CLHC1: variants seen among roughly 807,000 people sequenced by gnomAD.
CLHC1 encodes clathrin heavy chain linker domain-containing protein 1.
In CLHC1, 72 loss-of-function variants were observed where a neutral mutation model predicts 69.5. That is an observed-to-expected ratio of 1.04 (90% CI 0.86 to 1.26). CLHC1 has a LOEUF of 1.26. CLHC1 is among the 50% of genes most tolerant of loss of function. CLHC1 has a pLI of 0.00. For missense variants in CLHC1, 790 were observed against 679.3 expected, an observed-to-expected ratio of 1.16 and a Z score of -1.81; for synonymous variants, 223 against 224.3, an observed-to-expected ratio of 0.99 and a Z score of 0.05.
chr2:55,216,814 T>C (rs1673560268), intron 4 of CLHC1, among the ~76,000 whole-genome samples: 1 of 152,022 alleles, frequency 6.6e-6, no homozygotes, highest in Non-Finnish European at 1.5e-5. Flanking sequence ...TGAGCCACCC[T>C]GTGCGGACCC....
chr2:55,195,225 C>A (rs1210814585), intron 9 of CLHC1, among the ~76,000 whole-genome samples: 3 of 152,176 alleles, frequency 2.0e-5, no homozygotes, highest in Non-Finnish European at 4.4e-5. Flanking sequence ...CACCATTCCA[C>A]TCTCCGCTTC....
At chr2:55,194,483 G>C (rs1671209944) in intron 9 of CLHC1, among the ~76,000 whole-genome samples, 1 of 151,588 alleles carries the variant, frequency 6.6e-6, no homozygotes, top group Admixed American at 6.6e-5. Flanking sequence ...CTAAGATCAT[G>C]AACAAGGCAG....
rs547423070 is a variant in CLHC1 at position 55,179,236 on chromosome 2, G to C, written c.1384+1274C>G. Among the ~76,000 whole-genome samples the C allele has an allele frequency of 5.9e-5, 9 of 152,182 alleles. No individual in the cohort carries two copies. In the South Asian group the frequency reaches 1.2e-3, roughly 21 times the overall value. On this transcript the variant is annotated intron_variant, in intron 11 of 12. Coordinates refer to ENST00000401408, the MANE Select transcript of CLHC1 (RefSeq NM_152385.4). ...ATATTAATTAATACCTACTATGCCAGATTCTGTCCTGTCACTACATAACCA... is the reference window on the plus strand; with the variant it reads ...ATATTAATTAATACCTACTATGCCACATTCTGTCCTGTCACTACATAACCA...
At chr2:55,184,001 G>C (rs186861450) in intron 9 of CLHC1, among the ~76,000 whole-genome samples, 4 of 152,160 alleles carry the variant, frequency 2.6e-5, no homozygotes, top group Middle Eastern at 3.4e-3. Flanking sequence ...GGATGGTCTC[G>C]ATCTCTTGAC....
chr2:55,208,582 G>C, intron 8 of CLHC1, 44 bp downstream of exon 8: 1 of 1,253,272 alleles, frequency 8.0e-7, no homozygotes, highest in Non-Finnish European at 1.2e-6. Context: ...AAGAATCTAT[G>C]AAAAAATATA....
Position 55,206,293 on chromosome 2 carries a change from A to T in CLHC1, c.983T>A (p.Ile328Asn). The T allele has an allele frequency of 6.2e-7, 1 of 1,603,666 alleles. No homozygotes were observed. Among genetic ancestry groups the T allele is most frequent in the Non-Finnish European group, 8.5e-7 (1 of 1,170,968 alleles). The change falls in exon 9 of 13, where the codon ATT becomes AAT. Residue 328 changes from isoleucine to asparagine, a missense_variant. By Grantham distance (149) the Ile-to-Asn change is moderately radical. Transcript: ENST00000401408. ...ANSPRRILRN[I>N]GTMNTFKAVG... Reference sequence around the variant, plus strand: ...ACCCTTAAATGTATTCATTGTACCAATGTTTCGAAGAATTCTTCTAGGACT... The same window carrying T: ...ACCCTTAAATGTATTCATTGTACCATTGTTTCGAAGAATTCTTCTAGGACT...
intron 9 of CLHC1, among the ~76,000 whole-genome samples, chr2:55,203,885 G>A (rs1402755528): frequency 1.3e-5 from 2 of 151,990 alleles, no homozygotes; most frequent in African/African-American, 4.8e-5. Context: ...CCACAGAATG[G>A]GAGAAAATAT....
chr2:55,208,828 C>G (rs1433884206), intron 7 of CLHC1, 118 bp from the exon 8 acceptor site: 4 of 597,384 alleles, frequency 6.7e-6, no homozygotes, highest in East Asian at 5.9e-5. Flanking sequence ...CAGCAGCAAC[C>G]TCTTCCTAAA....
chr2:55,213,964 G>A (rs1298919267), intron 4 of CLHC1, among the ~76,000 whole-genome samples: 1 of 152,116 alleles, frequency 6.6e-6, no homozygotes, highest in African/African-American at 2.4e-5. Flanking sequence ...GACCTAAGAG[G>A]ATTCTAGTTG....
chr2:55,185,952 T>G (rs1267759289), intron 9 of CLHC1, among the ~76,000 whole-genome samples: 1 of 152,192 alleles, frequency 6.6e-6, no homozygotes, highest in East Asian at 1.9e-4. Context: ...CAGAAAGCAA[T>G]TGTCTAAAAA....
intron 2 of CLHC1, chr2:55,224,317 T>C (rs1674480025): frequency 4.3e-6 from 2 of 467,316 alleles, no homozygotes; most frequent in East Asian, 6.3e-5. Flanking sequence ...TCTGGGAGTG[T>C]TTGAGTGTGA....
chr2:55,198,142 T>C (rs921527367), intron 9 of CLHC1, among the ~76,000 whole-genome samples: 8 of 152,082 alleles, frequency 5.3e-5, no homozygotes, highest in African/African-American at 1.7e-4. Context: ...TCTGAAAATA[T>C]ACAGTGAGAG....
rs550717787 is a variant in CLHC1 at position 55,210,363 on chromosome 2, T to G, written c.500-532A>C. ...GGCGCCTGCCACCATGCCCGGCTAA[T>G]TTTTGTATTTTTAGTAGAGATGGGG... On this transcript the variant is annotated intron_variant, in intron 5 of 12. Coordinates refer to ENST00000401408, the MANE Select transcript of CLHC1 (RefSeq NM_152385.4). Among the ~76,000 whole-genome samples, 3 of 151,774 alleles carry G rather than the reference T, an allele frequency of 2.0e-5. No individual in the cohort carries two copies. In the South Asian group the frequency reaches 6.2e-4, roughly 32 times the overall value.
chr2:55,184,919 A>AACACACACAC lies in CLHC1; in HGVS notation c.1007-3185_1007-3176dup, dbSNP rs561837633. On this transcript the variant is annotated intron_variant, in intron 9 of 12. Coordinates refer to ENST00000401408, the MANE Select transcript of CLHC1 (RefSeq NM_152385.4). ...GACTCCATCTCAAAAAAAAAAACAA[A>AACACACACAC]ACACACACACACACACACACACACA... Among the ~76,000 whole-genome samples the AACACACACAC allele has an allele frequency of 4.2e-3, 529 of 126,076 alleles. 1 individual carries two copies. The highest frequency in any genetic ancestry group is 0.012 in the East Asian group (54 of 4,370). 82.7% of individuals were successfully genotyped at this position (126,076 alleles called of 152,430 possible). A position where few individuals can be genotyped will look rare whatever the true frequency, so the allele number is the denominator to read the frequency against.
intron 9 of CLHC1, among the ~76,000 whole-genome samples, chr2:55,182,398 T>C (rs1670017171): frequency 6.6e-6 from 1 of 152,192 alleles, no homozygotes; most frequent in Admixed American, 6.5e-5. Context: ...CAATCCCAAA[T>C]CAGCATGACT....
rs370860735 is a variant in CLHC1 at position 55,222,362 on chromosome 2, C to T, written c.50G>A (p.Cys17Tyr). Residue 17 changes from cysteine to tyrosine, a missense_variant, in exon 3 of 13, where the codon TGT becomes TAT. Coordinates refer to ENST00000401408, the MANE Select transcript of CLHC1 (RefSeq NM_152385.4). ...TTCCAAAAATTCCTTGTCACTTCTACAAATGATAGGTGGGAGAACTGCATG... is the reference window on the plus strand; with the variant it reads ...TTCCAAAAATTCCTTGTCACTTCTATAAATGATAGGTGGGAGAACTGCATG... ...RKHAVLPPIICRSDKEFLESV... is the reference protein window; with the variant it reads ...RKHAVLPPIIYRSDKEFLESV... 6.8e-6 allele frequency: 11 copies of T among 1,613,758 alleles called. No individual in the cohort carries two copies. Among genetic ancestry groups the T allele is most frequent in the Non-Finnish European group, 9.3e-6 (11 of 1,179,918 alleles).
At chr2:55,218,846 G>A (rs994011137) in intron 3 of CLHC1, among the ~76,000 whole-genome samples, 1 of 152,152 alleles carries the variant, frequency 6.6e-6, no homozygotes, top group African/African-American at 2.4e-5. Flanking sequence ...AGAATAGACA[G>A]GCTCAATTCC....
chr2:55,174,433 T>C lies in CLHC1; in HGVS notation c.*1357A>G, dbSNP rs1669204969. Among the ~76,000 whole-genome samples the C allele has an allele frequency of 6.6e-6, 1 of 152,194 alleles. No homozygotes were observed. ...ACATATAAATACAAATGAGTAGACA[T>C]ATGGGATTTAGTAAGTACAAACTAA... On this transcript the variant is annotated 3_prime_UTR_variant, in exon 13 of 13. Transcript: ENST00000401408.
chr2:55,223,524 T>C (rs946020869), intron 2 of CLHC1, among the ~76,000 whole-genome samples: 6 of 152,084 alleles, frequency 3.9e-5, no homozygotes, highest in Non-Finnish European at 8.8e-5. Context: ...CCTGCTGTGC[T>C]CCGAGCGCCA....
Sources: gnomAD v4.1 joint callset for allele counts (sites outside exome capture counted in the v4.1 genomes callset) on GRCh38, gnomAD v4.1.1 for gene constraint, MANE v1.5 for transcripts, NCBI Gene and HGNC (gene_info 2026-07-23, HGNC 2026-07-21) for gene names.